Variants in MIA2 observed in about 807,000 individuals in gnomAD.
MIA2 encodes MIA SH3 domain ER export factor 2.
In MIA2, 127 loss-of-function variants were observed where a neutral mutation model predicts 167.8. That is an observed-to-expected ratio of 0.76 (90% confidence interval 0.66 to 0.88). MIA2 has a LOEUF of 0.88. MIA2 is among the 40% of genes least tolerant of loss of function. MIA2 has a pLI of 0.00. For missense variants in MIA2, 1,690 were observed against 1,624.7 expected (o/e 1.04, Z -0.69); for synonymous variants, 552 against 541.9 (o/e 1.02, Z -0.26).
chr14:39,283,873 T>C (rs1301871782), intron 9 of MIA2, among the ~76,000 whole-genome samples: 4 of 152,224 alleles, frequency 2.6e-5, no homozygotes, highest in Non-Finnish European at 4.4e-5. Context: ...TGCTGTTGAG[T>C]TGTATGAGGT....
At chr14:39,381,667 G>GT (rs398057014) in intron 23 of MIA2, among the ~76,000 whole-genome samples, 108 of 145,328 alleles carry the variant, frequency 7.4e-4, no homozygotes, top group East Asian at 1.8e-3. Flanking sequence ...TTTGCTGGCT[G>GT]TTTTTTTTTT....
intron 9 of MIA2, among the ~76,000 whole-genome samples, chr14:39,280,648 G>T (rs1411024364): frequency 3.3e-5 from 5 of 152,092 alleles, no homozygotes; most frequent in African/African-American, 1.2e-4. Context: ...CAGGAGAATG[G>T]CGTGAACCAG....
chr14:39,268,791 CT>C (rs1487231035), intron 6 of MIA2, among the ~76,000 whole-genome samples: 3 of 152,232 alleles, frequency 2.0e-5, no homozygotes, highest in African/African-American at 7.2e-5. Context: ...GAGAAATAGC[CT>C]CTAAGAGCTA....
In MIA2 at chr14:39,309,860, A is replaced by G. The variant is rs2063925196; in HGVS notation, c.3017+1273A>G. ...GGAGTGAAGGAGTGTGTGTGTGTAC[A>G]TGCTGTTGCCTAAATGCCTAAGTAC... On this transcript the variant is annotated intron_variant, in intron 18 of 28. Transcript: ENST00000640607. 2.0e-5 allele frequency among the ~76,000 whole-genome samples: 3 copies of G among 152,082 alleles called. No homozygotes were observed. In the South Asian group the frequency reaches 6.2e-4, roughly 31 times the overall value.
At chr14:39,330,870 T>G (rs922602600) in intron 25 of MIA2, among the ~76,000 whole-genome samples, 4 of 152,186 alleles carry the variant, frequency 2.6e-5, no homozygotes, top group Non-Finnish European at 4.4e-5. Flanking sequence ...GAGGAGTGAT[T>G]TACTTCCAAT....
chr14:39,385,804 G>A (rs2075264068), intron 23 of MIA2: 2 of 893,302 alleles, frequency 2.2e-6, no homozygotes, highest in Non-Finnish European at 3.8e-6. Context: ...CTGGTTCTCA[G>A]TGCTTCTATT....
intron 1 of MIA2, among the ~76,000 whole-genome samples, chr14:39,234,578 A>T (rs1021482857): frequency 6.6e-6 from 1 of 152,106 alleles, no homozygotes; most frequent in African/African-American, 2.4e-5. Flanking sequence ...ATTGATTCAT[A>T]TAAAAAAAGA....
At chr14:39,372,415 G>T (rs768136908) in intron 23 of MIA2, among the ~76,000 whole-genome samples, 1 of 152,178 alleles carries the variant, frequency 6.6e-6, no homozygotes, top group Non-Finnish European at 1.5e-5. Flanking sequence ...AGAGCATAAG[G>T]TGAGTCAACA....
At chr14:39,288,857 ATATTT>A (rs1337540677) in intron 9 of MIA2, among the ~76,000 whole-genome samples, 3 of 152,032 alleles carry the variant, frequency 2.0e-5, no homozygotes, top group African/African-American at 7.2e-5. Flanking sequence ...CAATTTGCTG[ATATTT>A]TATTTAGGAT....
At chr14:39,272,325 C>G (rs2057298249) in intron 6 of MIA2, among the ~76,000 whole-genome samples, 1 of 152,106 alleles carries the variant, frequency 6.6e-6, no homozygotes, top group South Asian at 2.1e-4. Flanking sequence ...GCACTCCATC[C>G]TGGGTGACAG....
At chr14:39,288,467 A>ATTTT (rs1264770913) in intron 9 of MIA2, among the ~76,000 whole-genome samples, 13 of 51,578 alleles carry the variant, frequency 2.5e-4, no homozygotes, top group African/African-American at 5.1e-4. Context: ...ATATATATAT[A>ATTTT]TATATATATT....
At chr14:39,301,045 C>CATATATACATAT (rs2062405544) in intron 14 of MIA2, among the ~76,000 whole-genome samples, 4 of 3,008 alleles carry the variant, frequency 1.3e-3, no homozygotes, top group African/African-American at 2.3e-3. Flanking sequence ...TACATACACA[C>CATATATACATAT]ACACACACAC....
At chr14:39,252,403 G>A (rs1285908750) in intron 4 of MIA2, among the ~76,000 whole-genome samples, 1 of 152,140 alleles carries the variant, frequency 6.6e-6, no homozygotes, top group African/African-American at 2.4e-5. Context: ...AAGGAATGCA[G>A]GAGGCCTCCA....
At chr14:39,266,229 T>C (rs770609408) in intron 6 of MIA2, 25 of 985,282 alleles carry the variant, frequency 2.5e-5, no homozygotes, top group Non-Finnish European at 2.9e-5. Context: ...AGGCAGAATA[T>C]AATGAGAATG....
At chr14:39,305,810 C>T (rs540707646) in intron 17 of MIA2, among the ~76,000 whole-genome samples, 1 of 152,126 alleles carries the variant, frequency 6.6e-6, no homozygotes, top group African/African-American at 2.4e-5. Context: ...GTGGCACATG[C>T]CTGTAATCCC....
At chr14:39,332,865 C>G (rs10148678) in intron 25 of MIA2, among the ~76,000 whole-genome samples, 141,461 of 152,174 alleles carry the variant, frequency 0.93, 65,861 homozygotes, top group African/African-American at 0.96. Context: ...GTTCCTATTT[C>G]GACGTCTTGC....
At chr14:39,302,072 A>G (rs1187379770) in intron 14 of MIA2, 57 bp from the exon 15 acceptor site, 1 of 1,556,200 alleles carries the variant, frequency 6.4e-7, no homozygotes, top group Non-Finnish European at 8.7e-7. Flanking sequence ...CACAAGTTGT[A>G]AAGCTGTTAG....
intron 6 of MIA2, among the ~76,000 whole-genome samples, chr14:39,272,678 T>G (rs2057357434): frequency 4.6e-5 from 7 of 151,874 alleles, no homozygotes; most frequent in Admixed American, 4.6e-4. Flanking sequence ...GGGAGGATCA[T>G]CTGAGCCTGG....
chr14:39,386,619 T>C, intron 23 of MIA2: 1 of 1,048,546 alleles, frequency 9.5e-7, no homozygotes, highest in Non-Finnish European at 1.4e-6. Context: ...TTTTTTTCTT[T>C]TTTTTTGGCT....
Sources: gnomAD v4.1 joint callset for allele counts (sites outside exome capture counted in the v4.1 genomes callset) on GRCh38, gnomAD v4.1.1 for gene constraint, MANE v1.5 for transcripts, NCBI Gene and HGNC (gene_info 2026-07-23, HGNC 2026-07-21) for gene names.